SOCS6: variants seen among roughly 807,000 people sequenced by gnomAD.
The protein encoded by SOCS6 is STAT induced STAT inhibitor-4.
In SOCS6, 5 loss-of-function variants were observed where a neutral mutation model predicts 27.7. The observed-to-expected ratio is 0.18, with a 90% CI of 0.09 to 0.38. SOCS6 has a LOEUF of 0.38. Among genes scored for constraint, SOCS6 ranks in the 10% least tolerant of loss-of-function variants. The probability of loss-of-function intolerance (pLI) is 1.00; values close to 1 mark genes in which losing one functional copy is unlikely to be tolerated. For missense variants in SOCS6, 595 were observed against 688.1 expected (o/e 0.86, Z 1.51); for synonymous variants, 271 against 260.0 (o/e 1.04, Z -0.41).
In SOCS6 at chr18:70,327,234, T is replaced by G. The variant is rs1252790814; in HGVS notation, c.*958T>G. 6.0e-6 allele frequency: 1 copy of G among 166,974 alleles called. No individual in the cohort carries two copies. Among genetic ancestry groups the G allele is most frequent in the African/African-American group, 2.4e-5 (1 of 41,454 alleles). 10.3% of individuals were successfully genotyped at this position (166,974 alleles called of 1,614,324 possible). On this transcript the variant is annotated 3_prime_UTR_variant, in exon 2 of 2. Transcript: ENST00000397942. ...GGGTGAACTTGATTGTCAACTAATT[T>G]TCATAAATGGACTGGATTCTCTTGC... is the stretch of plus-strand genomic sequence containing the variant.
intron 1 of SOCS6, among the ~76,000 whole-genome samples, chr18:70,316,042 G>T (rs1358166966): frequency 6.6e-6 from 1 of 151,976 alleles, no homozygotes; most frequent in Non-Finnish European, 1.5e-5. Context: ...TAGAGACAGG[G>T]TTTCAGCATG....
chr18:70,291,636 T>TA (rs1568594603), intron 1 of SOCS6, among the ~76,000 whole-genome samples: 2 of 152,208 alleles, frequency 1.3e-5, no homozygotes, highest in Non-Finnish European at 2.9e-5. Context: ...CACTTCGACT[T>TA]ACATCCAGAT....
Position 70,327,843 on chromosome 18 carries a change from G to A in SOCS6, c.*1567G>A, listed in dbSNP as rs771423783. On this transcript the variant is annotated 3_prime_UTR_variant, in exon 2 of 2. Coordinates refer to ENST00000397942, the MANE Select transcript of SOCS6 (RefSeq NM_004232.4). ...AGTCTCTTACCCACTTTAAACATGA[G>A]GGTAAAGGTTTAGGTCAAACTTACT... 6.0e-6 allele frequency: 1 copy of A among 166,668 alleles called. No homozygotes were observed. The highest frequency in any genetic ancestry group is 1.5e-5 in the Non-Finnish European group (1 of 68,100). 10.3% of individuals were successfully genotyped at this position (166,668 alleles called of 1,614,324 possible). A position where few individuals can be genotyped will look rare whatever the true frequency, so the allele number is the denominator to read the frequency against.
At chr18:70,300,881 T>C (rs1367670224) in intron 1 of SOCS6, among the ~76,000 whole-genome samples, 1 of 152,252 alleles carries the variant, frequency 6.6e-6, no homozygotes, top group African/African-American at 2.4e-5. Flanking sequence ...ATTTAACTTT[T>C]TTAAATCTAC....
chr18:70,322,072 T>A (rs78728796), intron 1 of SOCS6, among the ~76,000 whole-genome samples: 15,025 of 152,250 alleles, frequency 0.099, 847 homozygotes, highest in African/African-American at 0.13. Context: ...GAAGAAGTTA[T>A]CCTTTACCCA....
rs377608393 is a variant in SOCS6 at position 70,321,381 on chromosome 18, C to T, written c.-126-3162C>T. Among the ~76,000 whole-genome samples the T allele has an allele frequency of 1.4e-3, 171 of 121,546 alleles. 1 individual carries two copies. The highest frequency in any genetic ancestry group is 2.7e-3 in the Admixed American group (23 of 8,494). The allele number at this position is 121,546 out of a possible 152,430, so 79.7% of individuals were successfully genotyped here. A position where few individuals can be genotyped will look rare whatever the true frequency, so the allele number is the denominator to read the frequency against. ...TGTTGCCCAGGCTGGAGTGCAGTGG[C>T]GCAATCTTGGCTCACTGCAACCTCT... On this transcript the variant is annotated intron_variant, in intron 1 of 1. Transcript: ENST00000397942.
intron 1 of SOCS6, among the ~76,000 whole-genome samples, chr18:70,310,439 G>T (rs939296933): frequency 6.8e-6 from 1 of 147,762 alleles, no homozygotes; most frequent in Non-Finnish European, 1.5e-5. Context: ...TCGTCACCAT[G>T]CCTGGCTAAT....
At chr18:70,292,584 G>A (rs977918745) in intron 1 of SOCS6, among the ~76,000 whole-genome samples, 6 of 152,286 alleles carry the variant, frequency 3.9e-5, no homozygotes, top group Non-Finnish European at 8.8e-5. Flanking sequence ...ACGGGCTCAA[G>A]TGATCCTCCC....
chr18:70,299,336 A>G (rs371863846), intron 1 of SOCS6, among the ~76,000 whole-genome samples: 74 of 152,048 alleles, frequency 4.9e-4, no homozygotes, highest in African/African-American at 1.7e-3. Context: ...GCTGGATAAA[A>G]CTCAGGAAAA....
At chr18:70,310,847 A>G (rs1199794857) in intron 1 of SOCS6, among the ~76,000 whole-genome samples, 3 of 152,222 alleles carry the variant, frequency 2.0e-5, no homozygotes, top group Non-Finnish European at 4.4e-5. Flanking sequence ...ATTATGCACC[A>G]AGGGTTCAGC....
chr18:70,326,374 T>A lies in SOCS6; in HGVS notation c.*98T>A. 1.9e-6 allele frequency: 2 copies of A among 1,061,412 alleles called. No homozygotes were observed. The highest frequency in any genetic ancestry group is 2.8e-6 in the Non-Finnish European group (2 of 725,490). 65.7% of individuals were successfully genotyped at this position (1,061,412 alleles called of 1,614,324 possible). On this transcript the variant is annotated 3_prime_UTR_variant, in exon 2 of 2. Coordinates refer to ENST00000397942, the MANE Select transcript of SOCS6 (RefSeq NM_004232.4). ...TTGCCATCAAAATCTTTTGCTGCCA[T>A]AACTATTTCAGTTTTATGTGTAAAA...
chr18:70,298,781 A>G (rs1221723796), intron 1 of SOCS6, among the ~76,000 whole-genome samples: 4 of 152,170 alleles, frequency 2.6e-5, no homozygotes, highest in Non-Finnish European at 4.4e-5. Context: ...AGGCTGATTT[A>G]TTTCTTGTGA....
At chr18:70,294,420 G>A (rs947658507) in intron 1 of SOCS6, among the ~76,000 whole-genome samples, 76 of 151,530 alleles carry the variant, frequency 5.0e-4, no homozygotes, top group African/African-American at 1.8e-3. Flanking sequence ...TTTGGCTGTG[G>A]GAGTTTTGTT....
At chr18:70,313,071 C>T (rs1290871151) in intron 1 of SOCS6, among the ~76,000 whole-genome samples, 1 of 152,200 alleles carries the variant, frequency 6.6e-6, no homozygotes, top group Non-Finnish European at 1.5e-5. Context: ...TGAGCCACCA[C>T]ACCGGGTCCA....
intron 1 of SOCS6, among the ~76,000 whole-genome samples, chr18:70,305,980 A>G (rs1036831424): frequency 1.3e-5 from 2 of 152,006 alleles, no homozygotes; most frequent in African/African-American, 2.4e-5. Flanking sequence ...GCTTATGCCT[A>G]TAATCTCAGC....
chr18:70,299,587 C>T (rs2146265668), intron 1 of SOCS6, among the ~76,000 whole-genome samples: 1 of 152,290 alleles, frequency 6.6e-6, no homozygotes, highest in African/African-American at 2.4e-5. Flanking sequence ...AAGTTCCACA[C>T]TCTAGGCACT....
chr18:70,292,939 C>T (rs905524666), intron 1 of SOCS6, among the ~76,000 whole-genome samples: 6 of 152,194 alleles, frequency 3.9e-5, no homozygotes, highest in Non-Finnish European at 1.5e-5. Context: ...TCCTTGACTA[C>T]CTTATGGCTC....
At chr18:70,310,469 T>G (rs1469421629) in intron 1 of SOCS6, among the ~76,000 whole-genome samples, 2 of 102,050 alleles carry the variant, frequency 2.0e-5, no homozygotes, top group Non-Finnish European at 4.0e-5. Context: ...TTTTGTGGGG[T>G]TTTTTTTTTT....
In SOCS6 at chr18:70,325,674, G is replaced by T; in HGVS notation, c.1006G>T (p.Val336Leu). Residue 336 changes from valine (V) to leucine (L), a missense_variant, in exon 2 of 2, where the codon GTG becomes TTG. Transcript: ENST00000397942. This position sits in a 1 kb window ranked among gnomAD's most constrained non-coding sequence, Gnocchi z 6.3. ...TGGACTCACTGGCACAGAAGCCCACGTGGCTGAAAGTATGCGCTGTCATTT... is the reference window on the plus strand; with the variant it reads ...TGGACTCACTGGCACAGAAGCCCACTTGGCTGAAAGTATGCGCTGTCATTT... The part of the protein sequence containing the change: ...FSGLTGTEAH[V>L]AESMRCHLNF... 6.2e-7 allele frequency: 1 copy of T among 1,614,186 alleles called. No homozygotes were observed. The highest frequency in any genetic ancestry group is 8.5e-7 in the Non-Finnish European group (1 of 1,180,024).
Sources: allele counts gnomAD v4.1 joint callset (sites outside exome capture counted in the v4.1 genomes callset), GRCh38; gene constraint gnomAD v4.1.1; non-coding constraint Gnocchi (gnomAD v3.1); transcripts MANE v1.5; gene names NCBI Gene and HGNC (gene_info 2026-07-23, HGNC 2026-07-21).